NKAIN3: variants seen among roughly 807,000 people sequenced by gnomAD.
The protein encoded by NKAIN3 is sodium/potassium-transporting ATPase subunit beta-1-interacting protein 3.
A neutral mutation model predicts 30.2 loss-of-function variants in NKAIN3; 25 were observed. The ratio of observed to expected loss-of-function variants is 0.83; its 90% CI spans 0.60 to 1.16. The LOEUF (loss-of-function observed/expected upper bound fraction) is 1.16. Ranked by LOEUF, NKAIN3 falls within the 50% of genes most tolerant of loss-of-function variation. The pLI is 0.00. For missense variants in NKAIN3, 225 were observed against 254.1 expected (o/e 0.89, Z 0.78); for synonymous variants, 91 against 89.6 (o/e 1.02, Z -0.09).
chr8:62,868,451 C>A (rs1172757452), intron 4 of NKAIN3, among the ~76,000 whole-genome samples: 3 of 150,862 alleles, frequency 2.0e-5, no homozygotes, highest in East Asian at 1.9e-4. Context: ...CAGGCAGAAA[C>A]AATTTATACT....
chr8:62,705,102 C>T (rs142014728), intron 3 of NKAIN3, among the ~76,000 whole-genome samples: 1 of 151,908 alleles, frequency 6.6e-6, no homozygotes, highest in Non-Finnish European at 1.5e-5. Flanking sequence ...CTGGCAATAC[C>T]TGGCACAACT....
intron 3 of NKAIN3, among the ~76,000 whole-genome samples, chr8:62,704,852 CA>C (rs1407730592): frequency 2.0e-5 from 3 of 152,108 alleles, no homozygotes; most frequent in Non-Finnish European, 4.4e-5. Flanking sequence ...GCATAACTTG[CA>C]AAATTATGTA....
chr8:62,616,858 C>T (rs1244667582), intron 3 of NKAIN3, among the ~76,000 whole-genome samples: 1 of 152,154 alleles, frequency 6.6e-6, no homozygotes, highest in East Asian at 1.9e-4. Flanking sequence ...TGGATGTCCT[C>T]TCCAAATCTC....
At chr8:62,342,235 C>A (rs200936306) in intron 1 of NKAIN3, among the ~76,000 whole-genome samples, 360 of 124,540 alleles carry the variant, frequency 2.9e-3, no homozygotes, top group Non-Finnish European at 3.6e-3. Flanking sequence ...ACCACTGAAC[C>A]AAAAAAAAAA....
intron 5 of NKAIN3, among the ~76,000 whole-genome samples, chr8:62,953,147 A>G (rs1172225537): frequency 1.3e-5 from 2 of 152,104 alleles, no homozygotes; most frequent in Non-Finnish European, 2.9e-5. Context: ...AAACACACAC[A>G]CACACACTCC....
At position 62,356,285 on chromosome 8, in the gene NKAIN3, A is replaced by G. The variant is rs1339015239; in HGVS notation, c.54+107158A>G. Among the ~76,000 whole-genome samples the G allele has an allele frequency of 2.0e-5, 3 of 152,212 alleles. No individual in the cohort carries two copies. In the East Asian group the frequency reaches 5.8e-4, roughly 29 times the overall value. The stretch of plus-strand genomic sequence containing the variant: ...GATATTAGCTTACCTTAACTAAGTA[A>G]TTTACAATTCTAATCCCATTTTTTC... On this transcript the variant is annotated intron_variant, in intron 1 of 6. Transcript: ENST00000623646.
intron 4 of NKAIN3, among the ~76,000 whole-genome samples, chr8:62,836,640 A>C (rs1391057496): frequency 2.0e-5 from 3 of 152,144 alleles, no homozygotes; most frequent in Non-Finnish European, 4.4e-5. Context: ...TTTTTCTGAT[A>C]GCAATGACAG....
intron 1 of NKAIN3, among the ~76,000 whole-genome samples, chr8:62,361,545 A>G (rs1267034205): frequency 1.3e-5 from 2 of 152,234 alleles, no homozygotes; most frequent in Non-Finnish European, 2.9e-5. Context: ...AACATAGTCT[A>G]CATAGTCTTA....
intron 1 of NKAIN3, among the ~76,000 whole-genome samples, chr8:62,463,626 G>A (rs912011559): frequency 2.6e-5 from 4 of 151,978 alleles, no homozygotes; most frequent in African/African-American, 7.2e-5. Context: ...CATTTTATAT[G>A]CAATTTTTCT....
At chr8:62,276,151 C>T (rs553363232) in intron 1 of NKAIN3, among the ~76,000 whole-genome samples, 7 of 152,194 alleles carry the variant, frequency 4.6e-5, no homozygotes, top group East Asian at 1.9e-4. Context: ...CTGCAACCTC[C>T]GCCTCCTGGG....
intron 1 of NKAIN3, among the ~76,000 whole-genome samples, chr8:62,449,585 T>C (rs1282943196): frequency 6.6e-6 from 1 of 152,134 alleles, no homozygotes; most frequent in Non-Finnish European, 1.5e-5. Flanking sequence ...AAAGTTCTAC[T>C]TCTTTTTCTT....
chr8:62,949,083 G>A (rs1364934570), intron 5 of NKAIN3, among the ~76,000 whole-genome samples: 2 of 152,154 alleles, frequency 1.3e-5, no homozygotes. Context: ...ATAGCCCCTG[G>A]AGGGCTACAT....
intron 3 of NKAIN3, among the ~76,000 whole-genome samples, chr8:62,707,503 T>C (rs189898746): frequency 7.9e-5 from 12 of 152,262 alleles, no homozygotes; most frequent in African/African-American, 2.9e-4. Flanking sequence ...TTTTCATATG[T>C]TTGTTGGCCA....
At chr8:62,750,616 C>T (rs1816246750) in intron 4 of NKAIN3, among the ~76,000 whole-genome samples, 1 of 152,086 alleles carries the variant, frequency 6.6e-6, no homozygotes. Flanking sequence ...CGTGCATCCT[C>T]CCCCGGCTCT....
At chr8:62,404,622 A>T (rs991149919) in intron 1 of NKAIN3, among the ~76,000 whole-genome samples, 1 of 152,116 alleles carries the variant, frequency 6.6e-6, no homozygotes, top group Admixed American at 6.6e-5. Flanking sequence ...CCATGATTTT[A>T]AGTTTCATGG....
intron 1 of NKAIN3, among the ~76,000 whole-genome samples, chr8:62,439,551 T>C (rs550172126): frequency 6.6e-6 from 1 of 152,322 alleles, no homozygotes; most frequent in South Asian, 2.1e-4. Context: ...AGTAAAAAAA[T>C]GTATCCAGCA....
intron 1 of NKAIN3, among the ~76,000 whole-genome samples, chr8:62,576,522 G>A (rs951131847): frequency 1.8e-4 from 28 of 152,024 alleles, no homozygotes; most frequent in African/African-American, 9.7e-5. Flanking sequence ...TTACAATTTA[G>A]TGACTTCCTT....
At chr8:62,991,452 G>C (rs373488511) in intron 5 of NKAIN3, among the ~76,000 whole-genome samples, 3 of 152,182 alleles carry the variant, frequency 2.0e-5, no homozygotes, top group African/African-American at 4.8e-5. Flanking sequence ...ATTCCTCCCA[G>C]CTTGTGCCAT....
chr8:62,905,904 G>C (rs898925116), intron 4 of NKAIN3, among the ~76,000 whole-genome samples: 4 of 152,270 alleles, frequency 2.6e-5, no homozygotes, highest in Middle Eastern at 3.4e-3. Context: ...ACCATCTACA[G>C]ATATTCTATT....
Sources: gnomAD v4.1 joint callset for allele counts (sites outside exome capture counted in the v4.1 genomes callset) on GRCh38, gnomAD v4.1.1 for gene constraint, MANE v1.5 for transcripts, NCBI Gene and HGNC (gene_info 2026-07-23, HGNC 2026-07-21) for gene names.